ADAMTSL3: variants seen among roughly 807,000 people sequenced by gnomAD.
The protein encoded by ADAMTSL3 is ADAMTS like 3.
In ADAMTSL3, 128 loss-of-function variants were observed where a neutral mutation model predicts 201.7. The observed-to-expected ratio is 0.63, with a 90% CI of 0.55 to 0.73. ADAMTSL3 has a LOEUF of 0.73. Ranked by LOEUF, ADAMTSL3 falls within the 30% of genes least tolerant of loss-of-function variation. ADAMTSL3 has a pLI of 0.00. For synonymous variants in ADAMTSL3, 738 were observed against 748.4 expected (o/e 0.99, Z 0.23); for missense variants, 1,990 against 2,119.6 (o/e 0.94, Z 1.20).
chr15:83,755,670 G>A (rs1207462427), intron 3 of ADAMTSL3, among the ~76,000 whole-genome samples: 3 of 152,102 alleles, frequency 2.0e-5, no homozygotes. Flanking sequence ...TTTGTCAGTG[G>A]ACATTTGGGT....
At chr15:83,952,932 T>C (rs1016553619) in intron 19 of ADAMTSL3, among the ~76,000 whole-genome samples, 3 of 152,246 alleles carry the variant, frequency 2.0e-5, no homozygotes, top group Non-Finnish European at 2.9e-5. Flanking sequence ...TTGTCTGATA[T>C]AAGCATAGCA....
At chr15:83,892,265 C>T (rs1355437577) in intron 12 of ADAMTSL3, among the ~76,000 whole-genome samples, 1 of 151,424 alleles carries the variant, frequency 6.6e-6, no homozygotes, top group Non-Finnish European at 1.5e-5. Context: ...GGCACAGTGG[C>T]TCATGCCTGT....
chr15:83,958,205 G>A (rs932392897), intron 19 of ADAMTSL3, among the ~76,000 whole-genome samples: 4 of 152,178 alleles, frequency 2.6e-5, no homozygotes, highest in Admixed American at 2.0e-4. Flanking sequence ...ATCCTACTCT[G>A]AGTAGAACCC....
chr15:83,766,967 G>A (rs994669767), intron 3 of ADAMTSL3, among the ~76,000 whole-genome samples: 12 of 152,144 alleles, frequency 7.9e-5, no homozygotes, highest in Non-Finnish European at 1.5e-4. Context: ...GGTGGCGAGT[G>A]CCTGTAATCC....
At chr15:83,832,542 G>C (rs972981712) in intron 6 of ADAMTSL3, among the ~76,000 whole-genome samples, 14 of 152,116 alleles carry the variant, frequency 9.2e-5, no homozygotes, top group Admixed American at 9.2e-4. Flanking sequence ...GACACTTCTT[G>C]GTAGAATTCA....
intron 6 of ADAMTSL3, among the ~76,000 whole-genome samples, chr15:83,837,243 T>C (rs2064292127): frequency 6.6e-6 from 1 of 150,686 alleles, no homozygotes; most frequent in African/African-American, 2.4e-5. Flanking sequence ...CAGCTAATGA[T>C]AAAGACAAGG....
intron 2 of ADAMTSL3, among the ~76,000 whole-genome samples, chr15:83,690,915 A>G (rs183970249): frequency 9.8e-5 from 15 of 152,334 alleles, no homozygotes; most frequent in Admixed American, 4.6e-4. Flanking sequence ...TGGGAGCACA[A>G]ATATGCCTTG....
intron 17 of ADAMTSL3, among the ~76,000 whole-genome samples, chr15:83,931,585 A>G (rs2066356697): frequency 6.6e-6 from 1 of 152,232 alleles, no homozygotes; most frequent in Admixed American, 6.5e-5. Context: ...TGGAATTTAG[A>G]TATTATCAAT....
chr15:83,703,677 C>G (rs929815792), intron 2 of ADAMTSL3, among the ~76,000 whole-genome samples: 41 of 152,288 alleles, frequency 2.7e-4, no homozygotes, highest in African/African-American at 8.9e-4. Context: ...ACGTGGAACT[C>G]TAAGTCCAAT....
chr15:83,711,202 C>A (rs1025084736), intron 3 of ADAMTSL3, among the ~76,000 whole-genome samples: 9 of 152,180 alleles, frequency 5.9e-5, no homozygotes, highest in African/African-American at 2.2e-4. Context: ...CTCAAAGTAA[C>A]TTCTTCCGAA....
intron 3 of ADAMTSL3, chr15:83,739,750 C>T: frequency 2.2e-6 from 1 of 463,580 alleles, no homozygotes; most frequent in South Asian, 1.7e-5. Flanking sequence ...CCCTTCACCT[C>T]CTCCAGTGCC....
chr15:83,849,358 C>G, intron 7 of ADAMTSL3, among the ~76,000 whole-genome samples: 1 of 152,118 alleles, frequency 6.6e-6, no homozygotes, highest in East Asian at 1.9e-4. Flanking sequence ...AACTGCTAAC[C>G]TCAAGTGATC....
intron 5 of ADAMTSL3, among the ~76,000 whole-genome samples, chr15:83,812,130 C>CT (rs2063708760): frequency 6.6e-6 from 1 of 152,166 alleles, no homozygotes; most frequent in Non-Finnish European, 1.5e-5. Context: ...ATGGTTGTAT[C>CT]TTTTTTTCCA....
intron 2 of ADAMTSL3, among the ~76,000 whole-genome samples, chr15:83,698,913 A>G (rs1474418175): frequency 6.6e-6 from 1 of 152,016 alleles, no homozygotes; most frequent in Non-Finnish European, 1.5e-5. Flanking sequence ...AAATCTTCCC[A>G]TGACCTAATA....
At chr15:83,808,621 A>G (rs2063641404) in intron 5 of ADAMTSL3, among the ~76,000 whole-genome samples, 7 of 152,208 alleles carry the variant, frequency 4.6e-5, no homozygotes, top group Admixed American at 4.6e-4. Flanking sequence ...CAATCCCATT[A>G]CTGATTATAT....
chr15:83,849,266 A>G (rs923714892), intron 7 of ADAMTSL3, among the ~76,000 whole-genome samples: 4 of 152,112 alleles, frequency 2.6e-5, no homozygotes, highest in African/African-American at 9.7e-5. Flanking sequence ...AGCTGGCACT[A>G]CAGGCATGTA....
At chr15:83,840,998 A>AG (rs2064363373) in intron 7 of ADAMTSL3, among the ~76,000 whole-genome samples, 1 of 152,210 alleles carries the variant, frequency 6.6e-6, no homozygotes. Flanking sequence ...TCCACATCCC[A>AG]GATAATAAGG....
chr15:83,962,884 G>A (rs2066999968), intron 19 of ADAMTSL3, among the ~76,000 whole-genome samples: 1 of 152,200 alleles, frequency 6.6e-6, no homozygotes, highest in Admixed American at 6.5e-5. Context: ...AAGCATGGTG[G>A]GGTGTCTCCT....
chr15:83,877,832 A>G (rs2065204858), intron 9 of ADAMTSL3, among the ~76,000 whole-genome samples: 1 of 151,938 alleles, frequency 6.6e-6, no homozygotes, highest in South Asian at 2.1e-4. Flanking sequence ...GGTGTTGGTT[A>G]TTTTGATGTT....
Sources: gnomAD v4.1 joint callset for allele counts (sites outside exome capture counted in the v4.1 genomes callset) on GRCh38, gnomAD v4.1.1 for gene constraint, MANE v1.5 for transcripts, NCBI Gene and HGNC (gene_info 2026-07-23, HGNC 2026-07-21) for gene names.